The following PNPT1 variants were observed in gnomAD, a reference collection of about 807,000 sequenced individuals.
PNPT1 encodes polyribonucleotide nucleotidyltransferase 1.
Under a neutral mutation model 119.5 loss-of-function variants are expected in PNPT1, and 53 were observed. That is an observed-to-expected ratio of 0.44 (90% CI 0.36 to 0.56). The LOEUF is 0.56. Ranked by LOEUF, PNPT1 falls within the 20% of genes least tolerant of loss-of-function variation. PNPT1 has a pLI of 0.00. For synonymous variants in PNPT1, 357 were observed against 322.1 expected (o/e 1.11, Z -1.16); for missense variants, 948 against 938.5 (o/e 1.01, Z -0.13).
intron 18 of PNPT1, among the ~76,000 whole-genome samples, chr2:55,649,573 C>G (rs768934319): frequency 1.5e-4 from 23 of 152,306 alleles, no homozygotes; most frequent in Non-Finnish European, 8.8e-5. Context: ...ATTTTACTTT[C>G]TCTCTTTGCT....
chr2:55,676,020 G>A (rs1032367819), intron 8 of PNPT1, among the ~76,000 whole-genome samples: 1 of 152,048 alleles, frequency 6.6e-6, no homozygotes, highest in Non-Finnish European at 1.5e-5. Context: ...CAGCACTTTG[G>A]GAAGCTGAGG....
intron 11 of PNPT1, among the ~76,000 whole-genome samples, chr2:55,670,388 G>A (rs557431128): frequency 2.6e-5 from 4 of 151,672 alleles, no homozygotes; most frequent in East Asian, 2.0e-4. Flanking sequence ...GGGTTTCACC[G>A]TATTAGCCAG....
In PNPT1 at chr2:55,635,738, T is replaced by A. The variant is rs574733183; in HGVS notation, c.*499A>T. On this transcript the variant is annotated 3_prime_UTR_variant, in exon 28 of 28. Coordinates refer to ENST00000447944, the MANE Select transcript of PNPT1 (RefSeq NM_033109.5). ...AGATTAGCTCCCTCAACTCACTATA[T>A]CTGTTAACAGTTCTGAAGAAATAGG... is the stretch of plus-strand genomic sequence containing the variant. 1 of 152,366 alleles carries A rather than the reference T, an allele frequency of 6.6e-6. No homozygotes were observed. Among genetic ancestry groups the A allele is most frequent in the African/African-American group, 2.4e-5 (1 of 41,568 alleles). The allele number at this position is 152,366 out of a possible 1,614,324, so 9.4% of individuals were successfully genotyped here. A position where few individuals can be genotyped will look rare whatever the true frequency, so the allele number is the denominator to read the frequency against.
intron 16 of PNPT1, 28 bp downstream of exon 16, chr2:55,656,277 C>T (rs769958038): frequency 5.6e-6 from 9 of 1,610,024 alleles, no homozygotes; most frequent in African/African-American, 1.3e-5. Flanking sequence ...GTAAGAATAC[C>T]GTATTAAGTT....
At chr2:55,636,518 T>C (rs941385998) in intron 27 of PNPT1, 126 bp from the exon 28 acceptor site, 46 of 990,504 alleles carry the variant, frequency 4.6e-5, no homozygotes, top group Middle Eastern at 2.3e-4. Context: ...ACTGAAAGCA[T>C]TGTTCAGTGC....
At chr2:55,672,418 T>C (rs1468913055) in intron 9 of PNPT1, among the ~76,000 whole-genome samples, 1 of 152,254 alleles carries the variant, frequency 6.6e-6, no homozygotes, top group Non-Finnish European at 1.5e-5. Flanking sequence ...AATTTCCAAC[T>C]CATGGCTGTG....
rs181787160 is a variant in PNPT1 at position 55,641,218 on chromosome 2, G to A, written c.2070-513C>T. ...CAACCTGGCAACAGAGTGAGACTCC[G>A]TCTCAACAAAAAAAACTTTTAGAAT... On this transcript the variant is annotated intron_variant, in intron 25 of 27. Coordinates refer to ENST00000447944, the MANE Select transcript of PNPT1 (RefSeq NM_033109.5). 1.7e-3 allele frequency among the ~76,000 whole-genome samples: 255 copies of A among 151,384 alleles called. 2 individuals carry two copies. In the Middle Eastern group the frequency reaches 0.024, roughly 14 times the overall value.
At chr2:55,684,606 A>G (rs978464992) in intron 4 of PNPT1, among the ~76,000 whole-genome samples, 3 of 152,264 alleles carry the variant, frequency 2.0e-5, no homozygotes, top group Non-Finnish European at 4.4e-5. Context: ...CTGAACATGA[A>G]AAAATGTACT....
chr2:55,668,011 G>A, intron 11 of PNPT1, 53 bp from the exon 12 acceptor site: 1 of 1,461,584 alleles, frequency 6.8e-7, no homozygotes, highest in Non-Finnish European at 9.3e-7. Flanking sequence ...TAGGAGATAG[G>A]ATTTCTCTAA....
At chr2:55,645,673 T>C (rs1381947080) in intron 21 of PNPT1, among the ~76,000 whole-genome samples, 1 of 152,214 alleles carries the variant, frequency 6.6e-6, no homozygotes, top group East Asian at 1.9e-4. Flanking sequence ...TGTATTCATG[T>C]GTCCCAAAAA....
chr2:55,637,481 T>A, intron 27 of PNPT1, 71 bp downstream of exon 27: 1 of 1,418,180 alleles, frequency 7.1e-7, no homozygotes, highest in Non-Finnish European at 9.9e-7. Context: ...TTCTTTCAAC[T>A]TTTTGAAAAA....
chr2:55,653,201 CTTG>C (rs1455241462), intron 18 of PNPT1, among the ~76,000 whole-genome samples: 1 of 152,138 alleles, frequency 6.6e-6, no homozygotes, highest in African/African-American at 2.4e-5. Flanking sequence ...TCTTAAGAGT[CTTG>C]TTGAGGGTCA....
intron 19 of PNPT1, among the ~76,000 whole-genome samples, chr2:55,646,708 C>G (rs1360464395): frequency 6.6e-6 from 1 of 152,150 alleles, no homozygotes; most frequent in Non-Finnish European, 1.5e-5. Context: ...ATTCCTTTCC[C>G]TCATAAATGC....
intron 13 of PNPT1, among the ~76,000 whole-genome samples, chr2:55,663,937 C>T (rs145501868): frequency 4.9e-4 from 75 of 151,704 alleles, no homozygotes; most frequent in African/African-American, 1.7e-3. Flanking sequence ...TGCCGTGAGC[C>T]GAGATCACAC....
intron 18 of PNPT1, 58 bp from the exon 19 acceptor site, chr2:55,647,511 T>G: frequency 7.4e-7 from 1 of 1,356,182 alleles, no homozygotes; most frequent in Non-Finnish European, 1.0e-6. Context: ...AAAACAAATA[T>G]TTATCTATCA....
At chr2:55,640,299 G>A (rs564848364) in intron 26 of PNPT1, among the ~76,000 whole-genome samples, 14 of 152,132 alleles carry the variant, frequency 9.2e-5, no homozygotes, top group South Asian at 2.1e-4. Flanking sequence ...GACTACATGC[G>A]CACGCCACCA....
intron 1 of PNPT1, among the ~76,000 whole-genome samples, chr2:55,692,370 T>C (rs1697644852): frequency 6.6e-6 from 1 of 152,174 alleles, no homozygotes; most frequent in African/African-American, 2.4e-5. Flanking sequence ...TTATCAAAGT[T>C]AGAGTGCGAG....
chr2:55,656,100 C>A (rs1250771720), intron 17 of PNPT1, 31 bp downstream of exon 17: 1 of 1,594,446 alleles, frequency 6.3e-7, no homozygotes, highest in South Asian at 1.2e-5. Flanking sequence ...ATGGTCTTTT[C>A]TACTATGAAA....
intron 1 of PNPT1, 139 bp from the exon 2 acceptor site, chr2:55,687,844 C>A: frequency 1.7e-6 from 1 of 580,024 alleles, no homozygotes; most frequent in South Asian, 2.5e-5. Flanking sequence ...GGGCAGAATC[C>A]ATGATCATTA....
Sources: allele counts gnomAD v4.1 joint callset (sites outside exome capture counted in the v4.1 genomes callset), GRCh38; gene constraint gnomAD v4.1.1; transcripts MANE v1.5; gene names NCBI Gene and HGNC (gene_info 2026-07-23, HGNC 2026-07-21).